The following KCNH8 variants were observed in gnomAD, a reference collection of about 807,000 sequenced individuals.
The protein encoded by KCNH8 is voltage-gated delayed rectifier potassium channel KCNH8.
In KCNH8, 70 loss-of-function variants were observed where a neutral mutation model predicts 103.6. That is an observed-to-expected ratio of 0.68 (90% CI 0.56 to 0.82). KCNH8 has a LOEUF of 0.82. Among genes scored for constraint, KCNH8 ranks in the 40% least tolerant of loss-of-function variants. The pLI is 0.00. For missense variants in KCNH8, 1,217 were observed against 1,329.9 expected (o/e 0.92, Z 1.32); for synonymous variants, 498 against 489.4 (o/e 1.02, Z -0.23).
At chr3:19,254,867 G>A (rs1024689418) in intron 2 of KCNH8, among the ~76,000 whole-genome samples, 1 of 152,114 alleles carries the variant, frequency 6.6e-6, no homozygotes, top group African/African-American at 2.4e-5. Context: ...ATGAGAAGGA[G>A]TATTTTGTGC....
intron 12 of KCNH8, among the ~76,000 whole-genome samples, chr3:19,511,953 C>CA (rs1455813459): frequency 1.4e-4 from 21 of 151,540 alleles, no homozygotes; most frequent in South Asian, 2.1e-4. Context: ...CCATATACAC[C>CA]AAAAAAAACA....
intron 11 of KCNH8, among the ~76,000 whole-genome samples, chr3:19,484,771 TG>T (rs983891024): frequency 3.3e-5 from 5 of 152,192 alleles, no homozygotes; most frequent in African/African-American, 1.2e-4. Flanking sequence ...AATAAGCTGA[TG>T]GGACACCTCT....
At chr3:19,290,968 T>G (rs1219512754) in intron 3 of KCNH8, among the ~76,000 whole-genome samples, 1 of 152,222 alleles carries the variant, frequency 6.6e-6, no homozygotes, top group Non-Finnish European at 1.5e-5. Flanking sequence ...TGGTTTAGTT[T>G]TGGGAGAGTG....
At chr3:19,492,066 G>A (rs1271335962) in intron 11 of KCNH8, among the ~76,000 whole-genome samples, 2 of 152,110 alleles carry the variant, frequency 1.3e-5, no homozygotes, top group Non-Finnish European at 2.9e-5. Flanking sequence ...ATAGATTCTG[G>A]ATAATCAGAC....
intron 1 of KCNH8, among the ~76,000 whole-genome samples, chr3:19,171,380 C>T (rs1174306412): frequency 2.6e-5 from 4 of 152,088 alleles, no homozygotes; most frequent in Non-Finnish European, 5.9e-5. Context: ...TGCTCCTGTT[C>T]ATTTATCTCT....
At chr3:19,266,203 A>C (rs2064508313) in intron 2 of KCNH8, among the ~76,000 whole-genome samples, 2 of 152,116 alleles carry the variant, frequency 1.3e-5, no homozygotes, top group South Asian at 4.1e-4. Context: ...AGCTAGTCCC[A>C]GCCTACAATC....
chr3:19,347,643 CA>C (rs1242331554), intron 4 of KCNH8, 81 bp from the exon 5 acceptor site: 40 of 1,524,146 alleles, frequency 2.6e-5, no homozygotes, highest in Non-Finnish European at 3.1e-5. Flanking sequence ...ATCCTACTCA[CA>C]AAAGTGTGTG....
intron 4 of KCNH8, 119 bp downstream of exon 4, chr3:19,342,833 T>A: frequency 1.0e-6 from 1 of 992,208 alleles, no homozygotes; most frequent in Non-Finnish European, 1.5e-6. Flanking sequence ...TTTTTCCACT[T>A]TGGTTTGTGC....
chr3:19,203,939 T>C (rs2063687991), intron 1 of KCNH8, among the ~76,000 whole-genome samples: 2 of 152,142 alleles, frequency 1.3e-5, no homozygotes. Flanking sequence ...GTTAATGTAC[T>C]ATGTAAAATA....
At chr3:19,330,917 C>G (rs1413720729) in intron 3 of KCNH8, among the ~76,000 whole-genome samples, 1 of 152,100 alleles carries the variant, frequency 6.6e-6, no homozygotes, top group Non-Finnish European at 1.5e-5. Context: ...AACATTTTCT[C>G]AATTTTTTCT....
chr3:19,306,601 A>T (rs2065133588), intron 3 of KCNH8, among the ~76,000 whole-genome samples: 1 of 152,076 alleles, frequency 6.6e-6, no homozygotes, highest in African/African-American at 2.4e-5. Context: ...AAGCTGACTC[A>T]AAAGAGAAAG....
At chr3:19,415,706 G>C (rs545850537) in intron 7 of KCNH8, among the ~76,000 whole-genome samples, 121 of 151,986 alleles carry the variant, frequency 8.0e-4, no homozygotes, top group Non-Finnish European at 1.5e-3. Context: ...TGGTGCAAAA[G>C]TAATTTTGCC....
At chr3:19,399,577 A>G (rs1308952306) in intron 7 of KCNH8, among the ~76,000 whole-genome samples, 1 of 151,850 alleles carries the variant, frequency 6.6e-6, no homozygotes, top group African/African-American at 2.4e-5. Flanking sequence ...AAACAATCTC[A>G]GATTTGTTGT....
intron 1 of KCNH8, among the ~76,000 whole-genome samples, chr3:19,178,101 A>G (rs1222604505): frequency 6.6e-6 from 1 of 152,244 alleles, no homozygotes; most frequent in East Asian, 1.9e-4. Flanking sequence ...AGGGAAGTAA[A>G]TGCAGTAATT....
intron 3 of KCNH8, among the ~76,000 whole-genome samples, chr3:19,342,158 A>G (rs2065669049): frequency 6.6e-6 from 1 of 152,134 alleles, no homozygotes; most frequent in African/African-American, 2.4e-5. Flanking sequence ...AGTAATAAGT[A>G]AACAGTTTTC....
intron 5 of KCNH8, among the ~76,000 whole-genome samples, chr3:19,383,718 T>C (rs764289947): frequency 2.4e-4 from 36 of 152,184 alleles, no homozygotes; most frequent in Admixed American, 3.9e-4. Flanking sequence ...AATTAATATT[T>C]ACTTCAAATG....
At chr3:19,419,188 G>GT (rs1299734245) in intron 7 of KCNH8, among the ~76,000 whole-genome samples, 3 of 75,878 alleles carry the variant, frequency 4.0e-5, no homozygotes, top group Non-Finnish European at 8.3e-5. Flanking sequence ...TAATTAAAAT[G>GT]GTTTTGGTTT....
At chr3:19,295,222 A>T (rs1306088624) in intron 3 of KCNH8, among the ~76,000 whole-genome samples, 2 of 151,832 alleles carry the variant, frequency 1.3e-5, no homozygotes, top group African/African-American at 4.8e-5. Flanking sequence ...TGTACAAAAC[A>T]TTGAAAAAAA....
chr3:19,503,133 T>C (rs1254911321), intron 11 of KCNH8, among the ~76,000 whole-genome samples: 4 of 150,972 alleles, frequency 2.6e-5, no homozygotes, highest in Non-Finnish European at 5.9e-5. Flanking sequence ...GAACAGACAC[T>C]TCTCAAAAGA....
Sources: allele counts gnomAD v4.1 joint callset (sites outside exome capture counted in the v4.1 genomes callset), GRCh38; gene constraint gnomAD v4.1.1; transcripts MANE v1.5; gene names NCBI Gene and HGNC (gene_info 2026-07-23, HGNC 2026-07-21).